Variants in ANKS1B observed in about 807,000 individuals in gnomAD.
The protein encoded by ANKS1B is ankyrin repeat and sterile alpha motif domain containing 1B, also known as ankyrin repeat and sterile alpha motif domain-containing protein 1B.
A neutral mutation model predicts 148.3 loss-of-function variants in ANKS1B; 36 were observed. That is an observed-to-expected ratio of 0.24 (90% CI 0.19 to 0.32). ANKS1B has a LOEUF of 0.32. ANKS1B is among the 10% of genes least tolerant of loss of function. The pLI, the probability that ANKS1B is intolerant of heterozygous loss-of-function variation, is 1.00. For missense variants in ANKS1B, 1,157 were observed against 1,542.6 expected, an observed-to-expected ratio of 0.75 and a Z score of 4.19; for synonymous variants, 542 against 560.8, an observed-to-expected ratio of 0.97 and a Z score of 0.47.
intron 12 of ANKS1B, among the ~76,000 whole-genome samples, chr12:99,317,945 C>T (rs762454276): frequency 6.6e-6 from 1 of 152,140 alleles, no homozygotes; most frequent in Non-Finnish European, 1.5e-5. Flanking sequence ...GTCTTTGGTT[C>T]TGTTTATATG....
intron 9 of ANKS1B, among the ~76,000 whole-genome samples, chr12:99,654,153 T>G (rs2098438959): frequency 6.6e-6 from 1 of 152,180 alleles, no homozygotes; most frequent in Non-Finnish European, 1.5e-5. Context: ...AATATCCTAC[T>G]TAGCTTTCTA....
At chr12:98,739,020 A>T (rs2097785981), downstream of ANKS1B, among the ~76,000 whole-genome samples, 1 of 152,138 alleles carries the variant, frequency 6.6e-6, no homozygotes, top group African/African-American at 2.4e-5. Flanking sequence ...TCCATACGTT[A>T]TTTAACTGAA....
At chr12:99,216,842 A>C (rs923830200) in intron 14 of ANKS1B, among the ~76,000 whole-genome samples, 1 of 152,232 alleles carries the variant, frequency 6.6e-6, no homozygotes, top group African/African-American at 2.4e-5. Flanking sequence ...CTTCCTTTGC[A>C]GCTTGGCGTG....
At chr12:99,284,550 C>T (rs987577161) in intron 12 of ANKS1B, among the ~76,000 whole-genome samples, 4 of 152,212 alleles carry the variant, frequency 2.6e-5, no homozygotes. Flanking sequence ...CTGTATCCTT[C>T]CCTCCATTTC....
At chr12:99,952,697 G>A (rs983748950) in intron 1 of ANKS1B, among the ~76,000 whole-genome samples, 1 of 152,106 alleles carries the variant, frequency 6.6e-6, no homozygotes, top group Non-Finnish European at 1.5e-5. Context: ...TTGTGGTGCC[G>A]GGAGTTTCCA....
intron 8 of ANKS1B, among the ~76,000 whole-genome samples, chr12:99,688,840 C>A (rs2098663937): frequency 6.7e-6 from 1 of 148,844 alleles, no homozygotes. Flanking sequence ...GATACTGTCT[C>A]TAAAATAATA....
At chr12:99,460,727 A>C (rs965361510) in intron 10 of ANKS1B, among the ~76,000 whole-genome samples, 35 of 130,680 alleles carry the variant, frequency 2.7e-4, no homozygotes, top group African/African-American at 1.3e-3. Flanking sequence ...GAATGGCCAT[A>C]ATAACAAAAA....
chr12:99,329,978 A>T (rs755719263), intron 12 of ANKS1B, among the ~76,000 whole-genome samples: 1 of 151,940 alleles, frequency 6.6e-6, no homozygotes, highest in Non-Finnish European at 1.5e-5. Flanking sequence ...CTAAACTTGC[A>T]TCTATTTCTC....
At chr12:99,744,973 C>CA (rs2060453841) in intron 8 of ANKS1B, among the ~76,000 whole-genome samples, 1 of 106,812 alleles carries the variant, frequency 9.4e-6, no homozygotes, top group African/African-American at 3.8e-5. Context: ...GCCTAGGTGA[C>CA]AGAGTGAGAC....
intron 8 of ANKS1B, among the ~76,000 whole-genome samples, chr12:99,730,959 A>G (rs2059084533): frequency 6.6e-6 from 1 of 152,094 alleles, no homozygotes; most frequent in Non-Finnish European, 1.5e-5. Context: ...TTTTTGAGAT[A>G]GAGTTTCCCT....
At chr12:99,450,517 A>G (rs774062196) in intron 10 of ANKS1B, among the ~76,000 whole-genome samples, 2 of 152,218 alleles carry the variant, frequency 1.3e-5, no homozygotes, top group African/African-American at 2.4e-5. Context: ...GTAAGCCAAC[A>G]GCTTCTTGAA....
chr12:98,989,726 A>G (rs2099925419), intron 17 of ANKS1B, among the ~76,000 whole-genome samples: 1 of 151,626 alleles, frequency 6.6e-6, no homozygotes, highest in African/African-American at 2.4e-5. Context: ...GATCATTTGA[A>G]CCCAGGATTT....
At chr12:99,960,552 CAG>C (rs2095395921) in intron 1 of ANKS1B, among the ~76,000 whole-genome samples, 1 of 152,074 alleles carries the variant, frequency 6.6e-6, no homozygotes, top group Admixed American at 6.5e-5. Context: ...GGAAGGAAAT[CAG>C]AGAGAAAAGA....
At chr12:99,213,430 AG>A (rs1408789462) in intron 14 of ANKS1B, among the ~76,000 whole-genome samples, 6 of 152,354 alleles carry the variant, frequency 3.9e-5, no homozygotes, top group African/African-American at 9.6e-5. Flanking sequence ...CAACTCCCGA[AG>A]TCTAGCAGCA....
At chr12:98,933,968 TCA>T (rs1185840538) in intron 17 of ANKS1B, among the ~76,000 whole-genome samples, 1 of 152,138 alleles carries the variant, frequency 6.6e-6, no homozygotes, top group Non-Finnish European at 1.5e-5. Flanking sequence ...GCCTTTTCAC[TCA>T]GTTGACTGTT....
At chr12:99,846,269 C>A (rs1289821640) in intron 1 of ANKS1B, among the ~76,000 whole-genome samples, 1 of 151,920 alleles carries the variant, frequency 6.6e-6, no homozygotes, top group Non-Finnish European at 1.5e-5. Context: ...CTTTCCTATT[C>A]TTTTCCCTCC....
At chr12:99,139,539 A>T (rs1347570046) in intron 15 of ANKS1B, among the ~76,000 whole-genome samples, 1 of 141,334 alleles carries the variant, frequency 7.1e-6, no homozygotes, top group African/African-American at 2.7e-5. Flanking sequence ...CAGCCTTCCA[A>T]ACTGGCTGGG....
chr12:99,408,794 A>G (rs1307874571), intron 11 of ANKS1B, among the ~76,000 whole-genome samples: 1 of 146,342 alleles, frequency 6.8e-6, no homozygotes, highest in East Asian at 1.9e-4. Context: ...TACAACTACA[A>G]GGAAATATCA....
chr12:99,136,007 T>C (rs563190606), intron 15 of ANKS1B, among the ~76,000 whole-genome samples: 117 of 152,112 alleles, frequency 7.7e-4, no homozygotes, highest in African/African-American at 2.6e-3. Context: ...GATAGTATGA[T>C]GGAGACTATG....
Sources: allele counts gnomAD v4.1 joint callset (sites outside exome capture counted in the v4.1 genomes callset), GRCh38; gene constraint gnomAD v4.1.1; transcripts MANE v1.5; gene names NCBI Gene and HGNC (gene_info 2026-07-23, HGNC 2026-07-21).